The following CTNND1 variants were observed in gnomAD, a reference collection of about 807,000 sequenced individuals.
The protein encoded by CTNND1 is catenin delta 1.
Under a neutral mutation model 112.1 loss-of-function variants are expected in CTNND1, and 16 were observed. The ratio of observed to expected loss-of-function variants is 0.14; its 90% CI spans 0.10 to 0.22. CTNND1 has a LOEUF of 0.22. Among genes scored for constraint, CTNND1 ranks in the 10% least tolerant of loss-of-function variants. The probability of loss-of-function intolerance (pLI) is 1.00; values close to 1 mark genes in which losing one functional copy is unlikely to be tolerated. For synonymous variants in CTNND1, 420 were observed against 446.5 expected (o/e 0.94, Z 0.75); for missense variants, 1,008 against 1,257.0 (o/e 0.80, Z 3.00).
chr11:57,819,151 T>C lies in CTNND1; in HGVS notation c.*2843T>C, dbSNP rs1166488822. On this transcript the variant is annotated 3_prime_UTR_variant, in exon 21 of 21. Transcript: ENST00000399050. ...GAAATGCTTTCTGTATGCCCAAATC[T>C]TTAGATTAAAATTATATAGCTGCTC... 6.6e-6 allele frequency: 1 copy of C among 152,210 alleles called. No individual in the cohort carries two copies. Among genetic ancestry groups the C allele is most frequent in the African/African-American group, 2.4e-5 (1 of 41,452 alleles). 9.4% of individuals were successfully genotyped at this position (152,210 alleles called of 1,614,324 possible).
rs2063905862 is a variant in CTNND1, at chr11:57,815,838, CAG to C, written c.2809-74_2809-73del. 5 of 1,280,688 alleles carry C rather than the reference CAG, an allele frequency of 3.9e-6. No homozygotes were observed. In the Admixed American group the frequency reaches 9.4e-5, roughly 24 times the overall value. 79.3% of individuals were successfully genotyped at this position (1,280,688 alleles called of 1,614,324 possible). ...TGTTTTGTTTGAGTTTACAAATTTT[CAG>C]AGTTTCCCTAGCTCTGGCACACACT... On this transcript the variant is annotated intron_variant, in intron 19 of 20. Coordinates refer to ENST00000399050, the MANE Select transcript of CTNND1 (RefSeq NM_001085458.2).
intron 1 of CTNND1, among the ~76,000 whole-genome samples, chr11:57,769,246 C>T (rs1467820696): frequency 3.3e-5 from 5 of 151,546 alleles, no homozygotes; most frequent in South Asian, 4.2e-4. Context: ...ACCCGGGACC[C>T]GGGAGGTGGA....
In CTNND1 at chr11:57,780,783, A is replaced by G. The variant is rs536727378; in HGVS notation, c.-213-8254A>G. Among the ~76,000 whole-genome samples the G allele has an allele frequency of 2.0e-5, 3 of 152,332 alleles. No individual in the cohort carries two copies. The South Asian group carries it at 6.2e-4, about 32-fold the overall frequency. On this transcript the variant is annotated intron_variant, in intron 1 of 20. Transcript: ENST00000399050. ...ACATACTCCAAACTTGATGAAAAGA[A>G]TGCCTTATTGGTCTTTTCAGGGTTT...
At chr11:57,795,885 A>G (rs2061307648) in intron 5 of CTNND1, among the ~76,000 whole-genome samples, 156 bp downstream of exon 5, 1 of 152,152 alleles carries the variant, frequency 6.6e-6, no homozygotes, top group South Asian at 2.1e-4. Context: ...GGATGAAGAG[A>G]TGGGAAAATC....
chr11:57,769,538 CTG>C (rs1213274382), intron 1 of CTNND1, among the ~76,000 whole-genome samples: 3 of 152,070 alleles, frequency 2.0e-5, no homozygotes, highest in Non-Finnish European at 4.4e-5. Context: ...ACCAATTCTC[CTG>C]TATTTTCTCC....
At chr11:57,815,765 C>A in intron 19 of CTNND1, 150 bp from the exon 20 acceptor site, 1 of 772,280 alleles carries the variant, frequency 1.3e-6, no homozygotes, top group Admixed American at 2.0e-5. Flanking sequence ...CCTTTTTCCT[C>A]TCCCTCCCTG....
intron 1 of CTNND1, among the ~76,000 whole-genome samples, chr11:57,770,708 C>T (rs1371923960): frequency 6.6e-6 from 1 of 151,868 alleles, no homozygotes; most frequent in South Asian, 2.1e-4. Flanking sequence ...TTAGGAAGCT[C>T]ATATTTTAAG....
At chr11:57,807,111 T>G (rs2062768809) in intron 12 of CTNND1, 128 bp downstream of exon 12, 2 of 795,916 alleles carry the variant, frequency 2.5e-6, no homozygotes, top group Non-Finnish European at 4.1e-6. Context: ...AGATTTGAAA[T>G]GATTGTGAAA....
At chr11:57,790,658 C>T (rs967860685) in intron 2 of CTNND1, among the ~76,000 whole-genome samples, 13 of 150,662 alleles carry the variant, frequency 8.6e-5, no homozygotes, top group African/African-American at 2.9e-4. Context: ...CCGGCGTTCA[C>T]GCCATTCTCC....
At chr11:57,811,339 A>G in intron 16 of CTNND1, 60 bp from the exon 17 acceptor site, 1 of 1,352,528 alleles carries the variant, frequency 7.4e-7, no homozygotes, top group Non-Finnish European at 1.0e-6. Flanking sequence ...TGCCCATTAG[A>G]GCATAAGATA....
At position 57,811,421 on chromosome 11, in the gene CTNND1, G is replaced by A. The variant is rs1196994038; in HGVS notation, c.2573G>A (p.Arg858Gln). Residue 858 changes from arginine (R) to glutamine (Q), a missense_variant, in exon 17 of 21, where the codon CGA becomes CAA. This residue lies in a region of CTNND1 where 28 missense variants were observed against 60.6 expected (regional missense o/e 0.46). Transcript: ENST00000399050. ...DFQVNLNNAS[R>Q]SQSSHSYDDS... is the part of the protein sequence containing the mutation. ...TAGGTGAATCTAAACAATGCTTCCC[G>A]AAGCCAGAGCAGTCATTCATATGAT... 13 of 1,613,230 alleles carry A rather than the reference G, an allele frequency of 8.1e-6. No homozygotes were observed. The highest frequency in any genetic ancestry group is 1.0e-5 in the Non-Finnish European group (12 of 1,179,700).
intron 2 of CTNND1, among the ~76,000 whole-genome samples, chr11:57,790,649 C>T (rs1012915820): frequency 5.3e-5 from 8 of 150,056 alleles, no homozygotes; most frequent in South Asian, 2.1e-4. Context: ...GCTCCACCTC[C>T]GGCGTTCACG....
At chr11:57,800,463 T>A (rs1397809137) in intron 6 of CTNND1, among the ~76,000 whole-genome samples, 1 of 152,080 alleles carries the variant, frequency 6.6e-6, no homozygotes, top group African/African-American at 2.4e-5. Flanking sequence ...AGATGGTGTT[T>A]TTCCATGTTG....
intron 6 of CTNND1, among the ~76,000 whole-genome samples, chr11:57,800,304 G>GT (rs1051172104): frequency 6.7e-6 from 1 of 149,076 alleles, no homozygotes; most frequent in African/African-American, 2.5e-5. Context: ...GTCTCGCTCT[G>GT]TCACTTAGGC....
chr11:57,774,432 T>C (rs1953638460), intron 1 of CTNND1, among the ~76,000 whole-genome samples: 1 of 152,192 alleles, frequency 6.6e-6, no homozygotes, highest in African/African-American at 2.4e-5. Context: ...TGCTGGCAAG[T>C]GAGACAGTTC....
chr11:57,791,582 G>C lies in CTNND1; in HGVS notation c.104G>C (p.Arg35Pro), dbSNP rs1174986372. 6.2e-7 allele frequency: 1 copy of C among 1,611,384 alleles called. No homozygotes were observed. Among genetic ancestry groups the C allele is most frequent in the Non-Finnish European group, 8.5e-7 (1 of 1,178,908 alleles). The change falls in exon 3 of 21, where the codon CGC (arginine) becomes CCC (proline). Residue 35 changes from arginine (R) to proline (P), a missense_variant. Coordinates refer to ENST00000399050, the MANE Select transcript of CTNND1 (RefSeq NM_001085458.2). ...KLTRALEEER[R>P]HVSAQLERVR... ...ACCCGGGCGCTGGAGGAGGAACGGCGCCACGTCTCGGCGCAGCTGGAACGC... is the reference window on the plus strand; with the variant it reads ...ACCCGGGCGCTGGAGGAGGAACGGCCCCACGTCTCGGCGCAGCTGGAACGC...
intron 7 of CTNND1, 77 bp from the exon 8 acceptor site, chr11:57,803,543 TA>T: frequency 8.8e-7 from 1 of 1,132,968 alleles, no homozygotes; most frequent in Non-Finnish European, 1.2e-6. Flanking sequence ...AGTGATACGA[TA>T]GGGGGATTCT....
chr11:57,766,850 T>A (rs1194075925), intron 1 of CTNND1, among the ~76,000 whole-genome samples: 1 of 152,216 alleles, frequency 6.6e-6, no homozygotes, highest in East Asian at 1.9e-4. Flanking sequence ...TATTCAGGGA[T>A]CGTGTTCCCT....
chr11:57,792,095 T>A (rs1456210155), intron 3 of CTNND1, among the ~76,000 whole-genome samples: 1 of 152,180 alleles, frequency 6.6e-6, no homozygotes, highest in African/African-American at 2.4e-5. Context: ...GAGGGAACAG[T>A]CTGTACCCAG....
Sources: gnomAD v4.1 joint callset for allele counts (sites outside exome capture counted in the v4.1 genomes callset) on GRCh38, gnomAD v4.1.1 for gene constraint, gnomAD v4.1.1 regional missense constraint, MANE v1.5 for transcripts, NCBI Gene and HGNC (gene_info 2026-07-23, HGNC 2026-07-21) for gene names.